MCM9: variants seen among roughly 807,000 people sequenced by gnomAD.
The protein encoded by MCM9 is minichromosome maintenance 9 homologous recombination repair factor.
Under a neutral mutation model 72.8 loss-of-function variants are expected in MCM9, and 55 were observed. The observed-to-expected ratio is 0.76, with a 90% confidence interval of 0.61 to 0.95. The LOEUF (loss-of-function observed/expected upper bound fraction) is 0.95. Ranked by LOEUF, MCM9 falls within the 40% of genes least tolerant of loss-of-function variation. The pLI is 0.00. For synonymous variants in MCM9, 480 were observed against 503.4 expected, an observed-to-expected ratio of 0.95 and a Z score of 0.62; for missense variants, 1,279 against 1,377.0, an observed-to-expected ratio of 0.93 and a Z score of 1.13.
chr6:118,872,767 A>T (rs1243207127), intron 8 of MCM9, among the ~76,000 whole-genome samples: 1 of 152,196 alleles, frequency 6.6e-6, no homozygotes, highest in African/African-American at 2.4e-5. Context: ...AAGAAGGAAG[A>T]TACAAAAATC....
At chr6:118,856,319 A>G (rs1054012939) in intron 9 of MCM9, 52 bp downstream of exon 9, 7 of 1,481,406 alleles carry the variant, frequency 4.7e-6, no homozygotes, top group Non-Finnish European at 5.4e-6. Flanking sequence ...TTTTCCCCTA[A>G]GCATATATTA....
chr6:118,881,619 A>C (rs1778293084), intron 8 of MCM9, among the ~76,000 whole-genome samples: 1 of 152,240 alleles, frequency 6.6e-6, no homozygotes, highest in African/African-American at 2.4e-5. Context: ...AAAACTGAAC[A>C]GTGAAAACAG....
intron 8 of MCM9, among the ~76,000 whole-genome samples, chr6:118,899,322 C>T (rs1339775961): frequency 6.6e-6 from 1 of 152,158 alleles, no homozygotes; most frequent in Admixed American, 6.5e-5. Context: ...CCTTCAAAAC[C>T]GCATGATCTG....
At chr6:118,881,257 CCTAA>C (rs1778269042) in intron 8 of MCM9, among the ~76,000 whole-genome samples, 1 of 152,020 alleles carries the variant, frequency 6.6e-6, no homozygotes, top group South Asian at 2.1e-4. Flanking sequence ...ATTTATACAC[CCTAA>C]CTTTCCTGAG....
chr6:118,910,214 T>C (rs62424037), intron 8 of MCM9, among the ~76,000 whole-genome samples: 29,096 of 151,912 alleles, frequency 0.19, 3,367 homozygotes, highest in Non-Finnish European at 0.27. Context: ...ATGCAGTATT[T>C]TGGTTTTTTT....
intron 3 of MCM9, among the ~76,000 whole-genome samples, chr6:118,926,475 C>T (rs1042150947): frequency 5.9e-5 from 9 of 152,130 alleles, no homozygotes; most frequent in African/African-American, 9.7e-5. Flanking sequence ...GAATCACTTT[C>T]GCATACTCAT....
In MCM9 at chr6:118,838,225, C is replaced by T. The variant is rs1283602169; in HGVS notation, c.1326-8975G>A. On this transcript the variant is annotated intron_variant, in intron 9 of 13. Coordinates refer to ENST00000619706, the MANE Select transcript of MCM9 (RefSeq NM_017696.3). The stretch of plus-strand genomic sequence containing the variant: ...ACCCAGGTTGTGAGTGCAGTGGCAG[C>T]GATCTCGGCTCACTTCAAGCTTCGC... Among the ~76,000 whole-genome samples the T allele has an allele frequency of 1.5e-4, 22 of 148,798 alleles. No homozygotes were observed. In the East Asian group the frequency reaches 1.8e-3, roughly 12 times the overall value.
chr6:118,847,874 A>G (rs968048264), intron 9 of MCM9, among the ~76,000 whole-genome samples: 1 of 152,012 alleles, frequency 6.6e-6, no homozygotes, highest in Non-Finnish European at 1.5e-5. Context: ...TCAGAATGGC[A>G]TCAGATTTGT....
chr6:118,930,609 T>C (rs1435372296), intron 3 of MCM9, among the ~76,000 whole-genome samples: 1 of 152,226 alleles, frequency 6.6e-6, no homozygotes. Flanking sequence ...TGACAGGGAC[T>C]CTAGAAGTGG....
At chr6:118,851,669 T>A (rs951190286) in intron 9 of MCM9, among the ~76,000 whole-genome samples, 1 of 151,818 alleles carries the variant, frequency 6.6e-6, no homozygotes, top group African/African-American at 2.4e-5. Flanking sequence ...TAAAAATTCT[T>A]ACGTAAATGT....
chr6:118,871,236 A>G (rs1022471928), intron 8 of MCM9, among the ~76,000 whole-genome samples: 4 of 152,220 alleles, frequency 2.6e-5, no homozygotes, highest in African/African-American at 9.6e-5. Context: ...TATTAAAAGA[A>G]TCACTCACCA....
At chr6:118,890,508 T>C (rs925561526) in intron 8 of MCM9, among the ~76,000 whole-genome samples, 7 of 152,240 alleles carry the variant, frequency 4.6e-5, no homozygotes, top group Non-Finnish European at 8.8e-5. Flanking sequence ...TCTAACACTT[T>C]CTATTTCGCA....
chr6:118,919,815 C>T (rs556382620), intron 5 of MCM9: 6 of 152,344 alleles, frequency 3.9e-5, no homozygotes, highest in Non-Finnish European at 5.9e-5. Context: ...AGACCCATCT[C>T]TCGGATCTCC....
chr6:118,831,166 A>T (rs1774520857), intron 9 of MCM9, among the ~76,000 whole-genome samples: 1 of 152,102 alleles, frequency 6.6e-6, no homozygotes, highest in South Asian at 2.1e-4. Flanking sequence ...CAGCCTAGTC[A>T]ACATGGTGAA....
chr6:118,919,196 T>C (rs943751917), intron 5 of MCM9: 2 of 152,212 alleles, frequency 1.3e-5, no homozygotes, highest in African/African-American at 4.8e-5. Flanking sequence ...AATGTTTAGA[T>C]ATATGACCCG....
intron 5 of MCM9, 100 bp from the exon 6 acceptor site, chr6:118,917,861 T>G (rs1781093254): frequency 1.0e-6 from 1 of 981,430 alleles, no homozygotes; most frequent in African/African-American, 1.6e-5. Context: ...ACCACTCCCT[T>G]ACTAGAGTTT....
At chr6:118,880,158 T>C (rs1268607886) in intron 8 of MCM9, among the ~76,000 whole-genome samples, 3 of 151,864 alleles carry the variant, frequency 2.0e-5, no homozygotes, top group Non-Finnish European at 4.4e-5. Context: ...ACATTGGGTC[T>C]GTTTAGCCTA....
intron 9 of MCM9, among the ~76,000 whole-genome samples, chr6:118,836,281 T>G: frequency 6.6e-6 from 1 of 152,228 alleles, no homozygotes; most frequent in East Asian, 1.9e-4. Context: ...CTCATCGATG[T>G]TCATCAGAGA....
chr6:118,874,254 CA>C (rs1777797733), intron 8 of MCM9, among the ~76,000 whole-genome samples: 2 of 151,610 alleles, frequency 1.3e-5, no homozygotes, highest in Non-Finnish European at 2.9e-5. Context: ...GACCCTGTCT[CA>C]AAAAAATAAA....
Sources: gnomAD v4.1 joint callset for allele counts (sites outside exome capture counted in the v4.1 genomes callset) on GRCh38, gnomAD v4.1.1 for gene constraint, MANE v1.5 for transcripts, NCBI Gene and HGNC (gene_info 2026-07-23, HGNC 2026-07-21) for gene names.